PTPRD: variants seen among roughly 807,000 people sequenced by gnomAD.
PTPRD encodes the protein protein tyrosine phosphatase receptor type D.
PTPRD carries 34 observed loss-of-function variants against 214.5 expected under a neutral mutation model. That is an observed-to-expected ratio of 0.16 (90% CI 0.12 to 0.21). The LOEUF (loss-of-function observed/expected upper bound fraction) is 0.21, where lower values mean the gene tolerates loss of function less well. Ranked by LOEUF, PTPRD falls within the 10% of genes least tolerant of loss-of-function variation. The pLI, the probability that PTPRD is intolerant of heterozygous loss-of-function variation, is 1.00. For synonymous variants in PTPRD, 1,128 were observed against 845.7 expected (o/e 1.33, Z -5.79); for missense variants, 2,545 against 2,398.7 (o/e 1.06, Z -1.27).
chr9:10,087,965 A>G (rs1567602072), intron 3 of PTPRD, among the ~76,000 whole-genome samples: 1 of 151,780 alleles, frequency 6.6e-6, no homozygotes, highest in Non-Finnish European at 1.5e-5. Flanking sequence ...ATTTTTCCCA[A>G]GATGAAATCA....
chr9:9,726,435 G>T (rs1376923806), intron 7 of PTPRD, among the ~76,000 whole-genome samples: 1 of 146,000 alleles, frequency 6.8e-6, no homozygotes, highest in Non-Finnish European at 1.5e-5. Flanking sequence ...CTCCATATTA[G>T]CATAACCTCA....
chr9:8,679,467 C>G (rs1192336593), intron 12 of PTPRD, among the ~76,000 whole-genome samples: 2 of 152,164 alleles, frequency 1.3e-5, no homozygotes, highest in African/African-American at 2.4e-5. Flanking sequence ...CAAAAGTTTC[C>G]TTTCACCACT....
intron 3 of PTPRD, among the ~76,000 whole-genome samples, chr9:10,189,718 T>C (rs1188132626): frequency 6.6e-6 from 1 of 151,978 alleles, no homozygotes; most frequent in African/African-American, 2.4e-5. Flanking sequence ...AAAAGGGCAA[T>C]TACAAGGCAC....
intron 3 of PTPRD, among the ~76,000 whole-genome samples, chr9:10,065,141 T>TAGAA (rs554379074): frequency 0.037 from 3,989 of 106,806 alleles, 159 homozygotes; most frequent in African/African-American, 0.077. Flanking sequence ...TGACTTGGAT[T>TAGAA]AGAAAGAAAG....
At chr9:10,015,793 C>G (rs529793703) in intron 4 of PTPRD, among the ~76,000 whole-genome samples, 1 of 152,174 alleles carries the variant, frequency 6.6e-6, no homozygotes, top group African/African-American at 2.4e-5. Context: ...AAATTTATTT[C>G]TCCTCTGGTA....
At chr9:10,251,200 C>A (rs1047486332) in intron 3 of PTPRD, among the ~76,000 whole-genome samples, 1 of 152,014 alleles carries the variant, frequency 6.6e-6, no homozygotes, top group Non-Finnish European at 1.5e-5. Context: ...TTTTGGACAA[C>A]CCTTATGTGA....
At chr9:8,684,394 G>A (rs1163651061) in intron 12 of PTPRD, among the ~76,000 whole-genome samples, 2 of 151,956 alleles carry the variant, frequency 1.3e-5, no homozygotes, top group Non-Finnish European at 2.9e-5. Context: ...ATGTCACACA[G>A]CTGACAAGTG....
chr9:10,215,635 G>A (rs528950636), intron 3 of PTPRD, among the ~76,000 whole-genome samples: 1 of 152,076 alleles, frequency 6.6e-6, no homozygotes, highest in East Asian at 1.9e-4. Flanking sequence ...ACCCAGGAAT[G>A]AAACACCTGG....
intron 7 of PTPRD, among the ~76,000 whole-genome samples, chr9:9,723,886 T>C (rs2098021325): frequency 6.6e-6 from 1 of 152,050 alleles, no homozygotes; most frequent in African/African-American, 2.4e-5. Flanking sequence ...GCTGAACTCA[T>C]TAGTTCTGAT....
At chr9:9,928,632 A>G (rs1156371335) in intron 5 of PTPRD, among the ~76,000 whole-genome samples, 2 of 152,144 alleles carry the variant, frequency 1.3e-5, no homozygotes, top group African/African-American at 4.8e-5. Flanking sequence ...TTATTAGAAT[A>G]TTAACTAATC....
At chr9:9,650,049 A>G (rs1052023792) in intron 7 of PTPRD, among the ~76,000 whole-genome samples, 3 of 152,112 alleles carry the variant, frequency 2.0e-5, no homozygotes, top group African/African-American at 7.2e-5. Context: ...CTCAAATTGT[A>G]ATTCCCATGT....
chr9:10,542,410 G>T (rs1255584095), intron 2 of PTPRD, among the ~76,000 whole-genome samples: 2 of 152,118 alleles, frequency 1.3e-5, no homozygotes, highest in South Asian at 2.1e-4. Flanking sequence ...TTTAAATCAG[G>T]TACTCTATAT....
chr9:9,324,407 G>T (rs1285115009), intron 9 of PTPRD, among the ~76,000 whole-genome samples: 7 of 152,082 alleles, frequency 4.6e-5, no homozygotes, highest in Non-Finnish European at 7.4e-5. Context: ...TGGTATCTCA[G>T]TGTGGTTTTG....
intron 2 of PTPRD, among the ~76,000 whole-genome samples, chr9:10,412,012 T>TA (rs1262363553): frequency 6.6e-6 from 1 of 151,792 alleles, no homozygotes; most frequent in Non-Finnish European, 1.5e-5. Context: ...CCTGCAACTA[T>TA]AAAAATGAAT....
chr9:8,629,012 T>G (rs1006534186), intron 14 of PTPRD, among the ~76,000 whole-genome samples: 2 of 151,920 alleles, frequency 1.3e-5, no homozygotes, highest in South Asian at 2.1e-4. Flanking sequence ...GCAGTGCTAT[T>G]TGAGAACAGC....
intron 3 of PTPRD, among the ~76,000 whole-genome samples, chr9:10,259,574 GAA>G (rs1317016781): frequency 2.0e-5 from 3 of 152,024 alleles, no homozygotes; most frequent in Non-Finnish European, 4.4e-5. Flanking sequence ...GAACCAAGTG[GAA>G]AAAGTGTCAG....
chr9:9,328,118 T>C (rs559049412), intron 9 of PTPRD, among the ~76,000 whole-genome samples: 1 of 152,054 alleles, frequency 6.6e-6, no homozygotes, highest in South Asian at 2.1e-4. Flanking sequence ...TGAATTTAGA[T>C]TAAGTAGATT....
At chr9:9,333,504 TTATATA>T (rs3048057) in intron 9 of PTPRD, among the ~76,000 whole-genome samples, 3 of 137,246 alleles carry the variant, frequency 2.2e-5, no homozygotes, top group African/African-American at 8.8e-5. Context: ...ATATAGTATA[TTATATA>T]TATATATATA....
intron 44 of PTPRD, among the ~76,000 whole-genome samples, chr9:8,325,515 C>T (rs1459526335): frequency 8.1e-5 from 12 of 148,534 alleles, no homozygotes. Flanking sequence ...AGTCAGGTAG[C>T]ATGATCTCTC....
Sources: gnomAD v4.1 joint callset for allele counts (sites outside exome capture counted in the v4.1 genomes callset) on GRCh38, gnomAD v4.1.1 for gene constraint, MANE v1.5 for transcripts, NCBI Gene and HGNC (gene_info 2026-07-23, HGNC 2026-07-21) for gene names.